Variants in CETP observed in about 807,000 individuals in gnomAD.
The protein encoded by CETP is BPI fold containing family F.
Under a neutral mutation model 66.5 loss-of-function variants are expected in CETP, and 56 were observed. The ratio of observed to expected loss-of-function variants is 0.84; its 90% CI spans 0.68 to 1.05. CETP has a LOEUF of 1.05. CETP is among the 50% of genes least tolerant of loss of function. CETP has a pLI of 0.00. For missense variants in CETP, 612 were observed against 609.6 expected, an observed-to-expected ratio of 1.00 and a Z score of -0.04; for synonymous variants, 251 against 245.7, an observed-to-expected ratio of 1.02 and a Z score of -0.20.
intron 11 of CETP, among the ~76,000 whole-genome samples, chr16:56,979,761 C>T (rs984240087): frequency 1.3e-5 from 2 of 152,176 alleles, no homozygotes; most frequent in Non-Finnish European, 2.9e-5. Context: ...CCTGCCTCAG[C>T]CTCCAAAAGT....
rs767253260 is a variant in CETP at position 56,973,470 on chromosome 16, A to G, written c.890A>G (p.Asp297Gly). 1 of 1,614,172 alleles carries G rather than the reference A, an allele frequency of 6.2e-7. No individual in the cohort carries two copies. The highest frequency in any genetic ancestry group is 8.5e-7 in the Non-Finnish European group (1 of 1,180,044). Reference sequence around the variant, plus strand: ...TCGCTGGCCAAGGTAGCTTTCCAGGATGGCCGCCTCATGCTCAGCCTGATG... The same window carrying G: ...TCGCTGGCCAAGGTAGCTTTCCAGGGTGGCCGCCTCATGCTCAGCCTGATG... ...FHSLAKVAFQDGRLMLSLMGD... is the reference protein window; with the variant it reads ...FHSLAKVAFQGGRLMLSLMGD... The change falls in exon 9 of 16, where the codon GAT becomes GGT. Residue 297 changes from aspartate (D) to glycine (G), a missense_variant. By Grantham distance (94) the Asp-to-Gly change is moderately conservative. Coordinates refer to ENST00000200676, the MANE Select transcript of CETP (RefSeq NM_000078.3).
At chr16:56,970,990 A>T in intron 5 of CETP, 43 bp from the exon 6 acceptor site, 3 of 1,598,424 alleles carry the variant, frequency 1.9e-6, no homozygotes, top group Non-Finnish European at 2.6e-6. Flanking sequence ...CCATGGATGC[A>T]CAGGACTGGT....
rs1801706 is a variant in CETP at position 56,983,750 on chromosome 16, G to C, written c.*84G>C. ...CTGGAACCCTGGTGTCTCCTCCAGC[G>C]TGGTGGAAGTTGGGTTAGGAGTACG... On this transcript the variant is annotated 3_prime_UTR_variant, in exon 16 of 16. Coordinates refer to ENST00000200676, the MANE Select transcript of CETP (RefSeq NM_000078.3). 2 of 1,304,784 alleles carry C rather than the reference G, an allele frequency of 1.5e-6. No individual in the cohort carries two copies. Among genetic ancestry groups the C allele is most frequent in the Non-Finnish European group, 2.2e-6 (2 of 899,146 alleles). The allele number at this position is 1,304,784 out of a possible 1,614,324, so 80.8% of individuals were successfully genotyped here. A position where few individuals can be genotyped will look rare whatever the true frequency, so the allele number is the denominator to read the frequency against.
intron 5 of CETP, among the ~76,000 whole-genome samples, chr16:56,970,390 C>T (rs2056101232): frequency 6.6e-6 from 1 of 152,182 alleles, no homozygotes. Flanking sequence ...CGGAGTGCAT[C>T]CTGCATTCCA....
At chr16:56,968,778 A>G (rs1168900258) in intron 2 of CETP, among the ~76,000 whole-genome samples, 1 of 111,558 alleles carries the variant, frequency 9.0e-6, no homozygotes, top group Non-Finnish European at 1.9e-5. Flanking sequence ...GATTTTGTTG[A>G]TCTTTTGGAA....
chr16:56,977,905 A>G (rs544727738), intron 10 of CETP, among the ~76,000 whole-genome samples, 186 bp from the exon 11 acceptor site: 1 of 152,306 alleles, frequency 6.6e-6, no homozygotes, highest in East Asian at 1.9e-4. Flanking sequence ...CAGATGAGAA[A>G]CTGAGGCCCA....
At position 56,975,121 on chromosome 16, in the gene CETP, C is replaced by T. The variant is rs145834322; in HGVS notation, c.951C>T (p.Gly317=). The change falls in exon 10 of 16, where the codon GGC becomes GGT. Residue 317 remains glycine (G), a synonymous_variant. Coordinates refer to ENST00000200676, the MANE Select transcript of CETP (RefSeq NM_000078.3). ...TTCAGGCAGTGCTGGAGACCTGGGG[C>T]TTCAACACCAACCAGGAAATCTTCC... ...DEFKAVLETW[G]FNTNQEIFQE... 1.2e-5 allele frequency: 20 copies of T among 1,614,024 alleles called. No individual in the cohort carries two copies. Among genetic ancestry groups the T allele is most frequent in the Non-Finnish European group, 1.7e-5 (20 of 1,180,012 alleles).
At position 56,977,847 on chromosome 16, in the gene CETP, G is replaced by A. The variant is rs543982866; in HGVS notation, c.982-244G>A. On this transcript the variant is annotated intron_variant, in intron 10 of 15. Coordinates refer to ENST00000200676, the MANE Select transcript of CETP (RefSeq NM_000078.3). Reference sequence around the variant, plus strand: ...AGAAGGCTAAGTGAAGGCATCCTCAGCACATCCTGAGAGAGGAGTTCAGGG... The same window carrying A: ...AGAAGGCTAAGTGAAGGCATCCTCAACACATCCTGAGAGAGGAGTTCAGGG... Among the ~76,000 whole-genome samples the A allele has an allele frequency of 2.0e-5, 3 of 152,326 alleles. No homozygotes were observed. In the South Asian group the frequency reaches 6.2e-4, roughly 32 times the overall value.
At chr16:56,973,558 A>C (rs766234439) in intron 9 of CETP, 48 bp downstream of exon 9, 1 of 1,592,376 alleles carries the variant, frequency 6.3e-7, no homozygotes. Context: ...GGCATGTGGT[A>C]TGTGTGTGTG....
At chr16:56,978,069 A>G (rs1597005136) in intron 10 of CETP, 22 bp from the exon 11 acceptor site, 1 of 1,613,194 alleles carries the variant, frequency 6.2e-7, no homozygotes, top group African/African-American at 1.3e-5. Context: ...TGTCCTGGCC[A>G]TGGGACCCCT....
intron 10 of CETP, among the ~76,000 whole-genome samples, chr16:56,976,865 GTT>G (rs1433207359): frequency 6.6e-6 from 1 of 151,592 alleles, no homozygotes; most frequent in African/African-American, 2.4e-5. Flanking sequence ...TGTCTTATTT[GTT>G]TACTTACCCA....
intron 2 of CETP, among the ~76,000 whole-genome samples, chr16:56,967,569 C>T (rs1232633155): frequency 6.7e-6 from 1 of 149,466 alleles, no homozygotes; most frequent in Non-Finnish European, 1.5e-5. Context: ...GCAGGAGAAT[C>T]ACTTGAACCC....
intron 8 of CETP, 145 bp downstream of exon 8, chr16:56,972,228 C>T (rs562914201): frequency 4.8e-5 from 32 of 670,110 alleles, no homozygotes; most frequent in East Asian, 1.1e-4. Flanking sequence ...GATGCTCCTC[C>T]GCATTCCTGA....
chr16:56,981,328 C>T (rs2056186022), intron 12 of CETP, 103 bp downstream of exon 12: 1 of 990,618 alleles, frequency 1.0e-6, no homozygotes, highest in Non-Finnish European at 1.6e-6. Flanking sequence ...AATGTGGCCC[C>T]TTTCTTCTGG....
At chr16:56,971,550 C>T (rs1283896470) in intron 7 of CETP, among the ~76,000 whole-genome samples, 169 bp downstream of exon 7, 1 of 152,210 alleles carries the variant, frequency 6.6e-6, no homozygotes, top group Non-Finnish European at 1.5e-5. Context: ...CAAATCTCTG[C>T]CCCTTTGGGC....
At chr16:56,981,273 C>T (rs538211709) in intron 12 of CETP, 48 bp downstream of exon 12, 64 of 1,454,976 alleles carry the variant, frequency 4.4e-5, no homozygotes, top group Non-Finnish European at 6.0e-5. Context: ...GCAAACCTCT[C>T]CCTGGCCCCT....
rs1331245498 is a variant in CETP, at chr16:56,973,179, AG to A, written c.751-151del. On this transcript the variant is annotated intron_variant, in intron 8 of 15. Transcript: ENST00000200676. ...CGGAAGTATTTGTTGAATGAGTGAA[AG>A]CCCCGCTGGGGGAAACTGGGTACAG... The A allele has an allele frequency of 9.1e-6, 7 of 769,214 alleles. No individual in the cohort carries two copies. The Admixed American group carries it at 1.6e-4, about 18-fold the overall frequency. The allele number at this position is 769,214 out of a possible 1,614,324, so 47.6% of individuals were successfully genotyped here.
At chr16:56,967,843 T>TGGCTATTCCAGGTGGTGGTCCCAGCTG (rs2056078992) in intron 2 of CETP, among the ~76,000 whole-genome samples, 1 of 152,036 alleles carries the variant, frequency 6.6e-6, no homozygotes, top group Non-Finnish European at 1.5e-5. Context: ...GGTGCATGCC[T>TGGCTATTCCAGGTGGTGGTCCCAGCTG]GTGGTCCCAG....
chr16:56,979,137 T>A (rs1422431375), intron 11 of CETP, among the ~76,000 whole-genome samples: 1 of 152,008 alleles, frequency 6.6e-6, no homozygotes, highest in East Asian at 1.9e-4. Flanking sequence ...AATATTCTCC[T>A]CCTTAAGCTG....
Sources: gnomAD v4.1 joint callset for allele counts (sites outside exome capture counted in the v4.1 genomes callset) on GRCh38, gnomAD v4.1.1 for gene constraint, MANE v1.5 for transcripts, NCBI Gene and HGNC (gene_info 2026-07-23, HGNC 2026-07-21) for gene names.